Variants in GPA33 observed in about 807,000 individuals in gnomAD.
GPA33 encodes the protein glycoprotein A33.
Under a neutral mutation model 35.6 loss-of-function variants are expected in GPA33, and 27 were observed. The observed-to-expected ratio is 0.76, with a 90% CI of 0.56 to 1.04. GPA33 has a LOEUF of 1.04. GPA33 is among the 50% of genes least tolerant of loss of function. The pLI, the probability that GPA33 is intolerant of heterozygous loss-of-function variation, is 0.00. For missense variants in GPA33, 428 were observed against 411.9 expected, an observed-to-expected ratio of 1.04 and a Z score of -0.34; for synonymous variants, 176 against 164.0, an observed-to-expected ratio of 1.07 and a Z score of -0.56.
intron 1 of GPA33, chr1:167,082,293 C>T (rs1338397238): frequency 4.4e-6 from 2 of 456,194 alleles, no homozygotes; most frequent in Non-Finnish European, 8.8e-6. Flanking sequence ...TCTATGTGTA[C>T]TTTTATTTCC....
At chr1:167,080,592 C>A (rs923140095) in intron 1 of GPA33, among the ~76,000 whole-genome samples, 1 of 152,198 alleles carries the variant, frequency 6.6e-6, no homozygotes, top group African/African-American at 2.4e-5. Flanking sequence ...AACTGTGTAA[C>A]CTTAGGCAAC....
At chr1:167,083,279 T>A (rs1666987947) in intron 1 of GPA33, among the ~76,000 whole-genome samples, 1 of 152,124 alleles carries the variant, frequency 6.6e-6, no homozygotes, top group Non-Finnish European at 1.5e-5. Context: ...AGGAAAGGAA[T>A]GTGAGACAGG....
At chr1:167,068,895 A>G (rs771211276) in intron 3 of GPA33, 27 bp downstream of exon 3, 1 of 1,578,868 alleles carries the variant, frequency 6.3e-7, no homozygotes, top group South Asian at 1.1e-5. Flanking sequence ...TCTTCCTACA[A>G]CTCCTGAAAG....
At chr1:167,074,072 G>A (rs1666776074) in intron 1 of GPA33, among the ~76,000 whole-genome samples, 1 of 150,334 alleles carries the variant, frequency 6.7e-6, no homozygotes, top group African/African-American at 2.5e-5. Flanking sequence ...GTAAAGAGAT[G>A]GACCATATTT....
At position 167,055,855 on chromosome 1, in the gene GPA33, G is replaced by A; in HGVS notation, c.572-6C>T. The A allele has an allele frequency of 6.2e-7, 1 of 1,613,940 alleles. No individual in the cohort carries two copies. Among genetic ancestry groups the A allele is most frequent in the Admixed American group, 1.7e-5 (1 of 60,018 alleles). ...GGAGACAGGCTGACCTGAGGCTGCA[G>A]GGGAAGAAGAGTCAGGGTGAAGAGA... On this transcript the variant is annotated splice_polypyrimidine_tract_variant and splice_region_variant and intron_variant, in intron 4 of 6. Coordinates refer to ENST00000367868, the MANE Select transcript of GPA33 (RefSeq NM_005814.3).
chr1:167,087,489 G>A (rs1667076375), intron 1 of GPA33, among the ~76,000 whole-genome samples: 2 of 152,228 alleles, frequency 1.3e-5, no homozygotes, highest in Admixed American at 1.3e-4. Flanking sequence ...ACCATAGTCA[G>A]TTAAGAGGCA....
intron 4 of GPA33, among the ~76,000 whole-genome samples, chr1:167,057,436 A>C (rs571460628): frequency 7.2e-4 from 110 of 152,250 alleles, no homozygotes; most frequent in African/African-American, 2.5e-3. Context: ...CCAGGTGGTT[A>C]CACGCCATCC....
chr1:167,082,279 T>G, intron 1 of GPA33: 1 of 456,274 alleles, frequency 2.2e-6, no homozygotes, highest in East Asian at 6.9e-5. Context: ...AATCTGAGAT[T>G]TCTTCTATGT....
chr1:167,054,117 G>T lies in GPA33; in HGVS notation c.*217C>A. 1 of 592,140 alleles carries T rather than the reference G, an allele frequency of 1.7e-6. No individual in the cohort carries two copies. The highest frequency in any genetic ancestry group is 1.9e-5 in the African/African-American group (1 of 53,494). The allele number at this position is 592,140 out of a possible 1,614,324, so 36.7% of individuals were successfully genotyped here. On this transcript the variant is annotated 3_prime_UTR_variant, in exon 7 of 7. Transcript: ENST00000367868. ...CCCGCACCAGGTGTCACAGCCAGGAGGGGTTACTTCACAGGACAGTGAGGT... is the reference window on the plus strand; with the variant it reads ...CCCGCACCAGGTGTCACAGCCAGGATGGGTTACTTCACAGGACAGTGAGGT...
intron 4 of GPA33, 151 bp from the exon 5 acceptor site, chr1:167,056,000 C>G: frequency 1.4e-6 from 1 of 724,458 alleles, no homozygotes. Context: ...GGCTGCAGGA[C>G]GCTTAAACCA....
chr1:167,070,717 A>G (rs1371710419), intron 2 of GPA33, among the ~76,000 whole-genome samples: 1 of 152,242 alleles, frequency 6.6e-6, no homozygotes, highest in Non-Finnish European at 1.5e-5. Flanking sequence ...TTAACAATTC[A>G]GGTAAAAAAT....
chr1:167,069,130 C>T lies in GPA33; in HGVS notation c.207G>A (p.Val69=). 3 of 1,611,804 alleles carry T rather than the reference C, an allele frequency of 1.9e-6. No homozygotes were observed. The highest frequency in any genetic ancestry group is 2.5e-6 in the Non-Finnish European group (3 of 1,178,066). ...DKLLLTHTER[V]VIWPFSNKNY... is the part of the protein sequence containing the mutation. ...TTTTGTTTGAAAACGGCCAGATGACCACCCTTTCCTGGAGAGAGAAGAAAT... is the reference window on the plus strand; with the variant it reads ...TTTTGTTTGAAAACGGCCAGATGACTACCCTTTCCTGGAGAGAGAAGAAAT... The change falls in exon 3 of 7, where the codon GTG becomes GTA. Residue 69 remains valine (V), a synonymous_variant. Transcript: ENST00000367868.
Position 167,055,019 on chromosome 1 carries a change from GGCA to G in GPA33, c.781_783del (p.Cys261del). 1.9e-6 allele frequency: 3 copies of G among 1,613,862 alleles called. No homozygotes were observed. Among genetic ancestry groups the G allele is most frequent in the South Asian group, 1.1e-5 (1 of 91,066 alleles). ...TCTTCAGTGTTGTCGTCCTTCCCTC[GGCA>G]GCAGCAGCAGTAGATGATGATGCCA... On this transcript the variant is annotated inframe_deletion, in exon 6 of 7. Transcript: ENST00000367868.
intron 3 of GPA33, among the ~76,000 whole-genome samples, chr1:167,066,919 G>C (rs948362291): frequency 2.0e-5 from 3 of 152,210 alleles, no homozygotes; most frequent in African/African-American, 7.2e-5. Flanking sequence ...GGGCCGCCGG[G>C]CTGGGAGCTT....
chr1:167,076,941 CG>C, intron 1 of GPA33, among the ~76,000 whole-genome samples: 1 of 152,262 alleles, frequency 6.6e-6, no homozygotes, highest in Non-Finnish European at 1.5e-5. Context: ...CGCAGTGGCT[CG>C]TGCCTGTAAT....
intron 3 of GPA33, among the ~76,000 whole-genome samples, chr1:167,064,275 A>G (rs895503600): frequency 1.3e-5 from 2 of 151,570 alleles, no homozygotes; most frequent in Non-Finnish European, 2.9e-5. Context: ...CAAGAGCAAA[A>G]CTCTGTCTCA....
At chr1:167,061,014 A>G (rs1666427566) in intron 4 of GPA33, among the ~76,000 whole-genome samples, 1 of 152,210 alleles carries the variant, frequency 6.6e-6, no homozygotes, top group Non-Finnish European at 1.5e-5. Context: ...ACTAGTCTCA[A>G]TGCTTCACAT....
chr1:167,063,838 G>T, intron 3 of GPA33, 101 bp from the exon 4 acceptor site: 1 of 792,412 alleles, frequency 1.3e-6, no homozygotes, highest in Admixed American at 3.4e-5. Context: ...ATACTGCCTT[G>T]TTTGTTCACA....
intron 3 of GPA33, among the ~76,000 whole-genome samples, chr1:167,065,063 T>C (rs1170869253): frequency 6.6e-6 from 1 of 152,140 alleles, no homozygotes; most frequent in African/African-American, 2.4e-5. Context: ...CAAGATACCA[T>C]TGTGGAGCTG....
Sources: gnomAD v4.1 joint callset for allele counts (sites outside exome capture counted in the v4.1 genomes callset) on GRCh38, gnomAD v4.1.1 for gene constraint, MANE v1.5 for transcripts, NCBI Gene and HGNC (gene_info 2026-07-23, HGNC 2026-07-21) for gene names.